Variants in CLVS1 observed in about 807,000 individuals in gnomAD.
CLVS1 encodes clavesin 1, also known as clavesin-1.
A neutral mutation model predicts 33.1 loss-of-function variants in CLVS1; 10 were observed. The observed-to-expected ratio is 0.30, with a 90% CI of 0.19 to 0.51. The LOEUF is 0.51. Ranked by LOEUF, CLVS1 falls within the 20% of genes least tolerant of loss-of-function variation. The probability of loss-of-function intolerance (pLI) is 0.97; values close to 1 mark genes in which losing one functional copy is unlikely to be tolerated. For missense variants in CLVS1, 343 were observed against 433.4 expected, an observed-to-expected ratio of 0.79 and a Z score of 1.85; for synonymous variants, 163 against 166.1, an observed-to-expected ratio of 0.98 and a Z score of 0.14.
chr8:60,968,514 CAA>C, the CLVS1 span, among the ~76,000 whole-genome samples: 288 of 128,102 alleles, frequency 2.2e-3, no homozygotes, highest in Middle Eastern at 4.3e-3. Flanking sequence ...GACTCCGTTT[CAA>C]AAAAAAAAAA....
At chr8:60,968,818 G>T in the CLVS1 span, among the ~76,000 whole-genome samples, 169 of 152,140 alleles carry the variant, frequency 1.1e-3, no homozygotes, top group African/African-American at 3.9e-3. Context: ...GAGCCTGGCA[G>T]GTTAAGGCTG....
At chr8:61,220,134 T>G in intron 2 of CLVS1, among the ~76,000 whole-genome samples, 1 of 152,250 alleles carries the variant, frequency 6.6e-6, no homozygotes, top group East Asian at 1.9e-4. Context: ...TGATAATTTC[T>G]TTTGCTGTGC....
intron 3 of CLVS1, among the ~76,000 whole-genome samples, chr8:61,381,240 A>G (rs1308685593): frequency 2.0e-5 from 3 of 151,818 alleles, no homozygotes. Flanking sequence ...GAGCCACTTT[A>G]GTAGAAAAGG....
chr8:61,486,916 C>T (rs969643756), intron 5 of CLVS1, among the ~76,000 whole-genome samples: 1 of 152,082 alleles, frequency 6.6e-6, no homozygotes, highest in South Asian at 2.1e-4. Flanking sequence ...TAAACTAATG[C>T]CTGGTGCTAA....
At chr8:61,246,167 CTTTTTT>C (rs1188366643) in intron 2 of CLVS1, among the ~76,000 whole-genome samples, 18 of 82,240 alleles carry the variant, frequency 2.2e-4, no homozygotes, top group African/African-American at 6.0e-4. Context: ...TCCTTCCCAA[CTTTTTT>C]TTTTTTTTTT....
intron 2 of CLVS1, among the ~76,000 whole-genome samples, chr8:61,340,727 G>A (rs1812001191): frequency 6.6e-6 from 1 of 152,178 alleles, no homozygotes; most frequent in South Asian, 2.1e-4. Flanking sequence ...TCATGTGGTA[G>A]TTCTATTTTT....
intron 2 of CLVS1, among the ~76,000 whole-genome samples, chr8:61,353,971 T>C (rs925494668): frequency 1.3e-5 from 2 of 151,942 alleles, no homozygotes. Context: ...TTTATCCTCA[T>C]AAAGTCAATA....
At chr8:61,342,410 TG>T (rs1161539909) in intron 2 of CLVS1, among the ~76,000 whole-genome samples, 1 of 151,646 alleles carries the variant, frequency 6.6e-6, no homozygotes, top group Non-Finnish European at 1.5e-5. Context: ...TTCTGACACT[TG>T]TTGCCTATAT....
Position 61,068,227 on chromosome 8 carries a change from G to GTATATATATATATATATATATA in CLVS1, c.-243+10998_-243+10999insATATATATATATATATATATAT, listed in dbSNP as rs761732435. Among the ~76,000 whole-genome samples, 9 of 88,288 alleles carry GTATATATATATATATATATATA rather than the reference G, an allele frequency of 1.0e-4. 1 individual carries two copies. The highest frequency in any genetic ancestry group is 2.8e-4 in the African/African-American group (7 of 25,108). The allele number at this position is 88,288 out of a possible 152,430, so 57.9% of individuals were successfully genotyped here. A position where few individuals can be genotyped will look rare whatever the true frequency, so the allele number is the denominator to read the frequency against. ...TATATATATATATATATGTATGTAT[G>GTATATATATATATATATATATA]TGTATATATATATATATATATGTAT... On this transcript the variant is annotated intron_variant, in intron 1 of 2. Transcript: ENST00000522621.
intron 2 of CLVS1, among the ~76,000 whole-genome samples, chr8:61,279,064 G>T (rs1393984968): frequency 6.6e-6 from 1 of 152,216 alleles, no homozygotes; most frequent in African/African-American, 2.4e-5. Flanking sequence ...AGATTTTAGG[G>T]TGTGGGAGCC....
chr8:61,265,352 A>G (rs1358991325), intron 2 of CLVS1, among the ~76,000 whole-genome samples: 1 of 152,166 alleles, frequency 6.6e-6, no homozygotes, highest in African/African-American at 2.4e-5. Flanking sequence ...TAGCTTGGTG[A>G]CTTTGGATCA....
At chr8:61,463,914 CA>C (rs559098675) in intron 5 of CLVS1, among the ~76,000 whole-genome samples, 23 of 150,110 alleles carry the variant, frequency 1.5e-4, no homozygotes, top group African/African-American at 2.7e-4. Context: ...TAAAAAAATA[CA>C]AAAAAAAATT....
intron 2 of CLVS1, among the ~76,000 whole-genome samples, chr8:61,323,068 T>C (rs1322167769): frequency 6.6e-6 from 1 of 152,152 alleles, no homozygotes; most frequent in African/African-American, 2.4e-5. Context: ...TTGCTACATA[T>C]TATTGCTTGC....
chr8:61,259,850 C>T (rs1216529400), intron 2 of CLVS1, among the ~76,000 whole-genome samples: 2 of 152,194 alleles, frequency 1.3e-5, no homozygotes, highest in African/African-American at 4.8e-5. Context: ...GTGGGTATAT[C>T]CCTGCATGCA....
At chr8:61,154,163 A>G (rs545240061) in intron 2 of CLVS1, among the ~76,000 whole-genome samples, 1 of 150,984 alleles carries the variant, frequency 6.6e-6, no homozygotes, top group Non-Finnish European at 1.5e-5. Context: ...TGGCTTTGCT[A>G]TCCTCCACTG....
intron 2 of CLVS1, among the ~76,000 whole-genome samples, chr8:61,156,739 G>A (rs1453258077): frequency 6.6e-6 from 1 of 152,184 alleles, no homozygotes; most frequent in Non-Finnish European, 1.5e-5. Flanking sequence ...TTCCCAAAAT[G>A]TCAACTTACC....
intron 1 of CLVS1, among the ~76,000 whole-genome samples, chr8:61,104,614 A>C (rs545322787): frequency 6.6e-5 from 10 of 152,178 alleles, no homozygotes; most frequent in Non-Finnish European, 1.0e-4. Flanking sequence ...TTTTTTCCCA[A>C]ATCAAAAGCA....
the CLVS1 span, among the ~76,000 whole-genome samples, chr8:61,014,225 A>T: frequency 6.6e-6 from 1 of 151,968 alleles, no homozygotes; most frequent in African/African-American, 2.4e-5. Flanking sequence ...GAATTGTTTA[A>T]GATATTCCCC....
rs188762765 is a variant in CLVS1 at position 61,114,430 on chromosome 8, T to C, written c.-242-17340T>C. ...CTTCTAGACAAATGCTCTCAGGTAGTGACTTTAACAGAAACGATGTAATGA... is the reference window on the plus strand; with the variant it reads ...CTTCTAGACAAATGCTCTCAGGTAGCGACTTTAACAGAAACGATGTAATGA... On this transcript the variant is annotated intron_variant, in intron 1 of 2. Coordinates refer to the CLVS1 transcript ENST00000522621. Among the ~76,000 whole-genome samples, 305 of 152,324 alleles carry C rather than the reference T, an allele frequency of 2.0e-3. 3 individuals are homozygous for C. The highest frequency in any genetic ancestry group is 5.8e-3 in the African/African-American group (241 of 41,568).
Sources: gnomAD v4.1 joint callset for allele counts (sites outside exome capture counted in the v4.1 genomes callset) on GRCh38, gnomAD v4.1.1 for gene constraint, MANE v1.5 for transcripts, NCBI Gene and HGNC (gene_info 2026-07-23, HGNC 2026-07-21) for gene names.